Variants in STRBP observed in about 807,000 individuals in gnomAD.
The protein encoded by STRBP is spermatid perinuclear RNA binding protein, also known as spermatid perinuclear RNA-binding protein.
Under a neutral mutation model 80.1 loss-of-function variants are expected in STRBP, and 13 were observed. The observed-to-expected ratio is 0.16, with a 90% CI of 0.11 to 0.26. The LOEUF (loss-of-function observed/expected upper bound fraction) is 0.26, where lower values mean the gene tolerates loss of function less well. Ranked by LOEUF, STRBP falls within the 10% of genes least tolerant of loss-of-function variation. STRBP has a pLI of 1.00. For synonymous variants in STRBP, 284 were observed against 291.2 expected (o/e 0.98, Z 0.25); for missense variants, 485 against 815.2 (o/e 0.59, Z 4.93).
At chr9:123,254,418 G>A (rs1347309372) in intron 1 of STRBP, among the ~76,000 whole-genome samples, 1 of 137,462 alleles carries the variant, frequency 7.3e-6, no homozygotes, top group East Asian at 2.2e-4. Context: ...CCCAGATCGC[G>A]CCACTGCACT....
intron 5 of STRBP, among the ~76,000 whole-genome samples, chr9:123,172,564 A>G (rs1200513585): frequency 6.6e-6 from 1 of 152,216 alleles, no homozygotes; most frequent in Non-Finnish European, 1.5e-5. Context: ...CAAAATTGAA[A>G]GTGGAAAAGC....
At chr9:123,252,107 A>G (rs1287123600) in intron 1 of STRBP, among the ~76,000 whole-genome samples, 2 of 152,162 alleles carry the variant, frequency 1.3e-5, no homozygotes, top group Non-Finnish European at 1.5e-5. Context: ...GAAAAGTTGC[A>G]GGAAATGGTG....
chr9:123,116,656 G>A (rs2035650328), downstream of STRBP, among the ~76,000 whole-genome samples: 1 of 152,178 alleles, frequency 6.6e-6, no homozygotes, highest in East Asian at 1.9e-4. Context: ...GAAGCCTACA[G>A]GAAAGGTGAG....
At chr9:123,249,696 TA>T (rs2040872397) in intron 1 of STRBP, among the ~76,000 whole-genome samples, 1 of 152,176 alleles carries the variant, frequency 6.6e-6, no homozygotes, top group South Asian at 2.1e-4. Flanking sequence ...TAAAAAAATA[TA>T]AAGCAACCGA....
At chr9:123,255,657 T>C (rs1357126362) in intron 1 of STRBP, among the ~76,000 whole-genome samples, 1 of 152,204 alleles carries the variant, frequency 6.6e-6, no homozygotes, top group African/African-American at 2.4e-5. Flanking sequence ...CCAAATCAAT[T>C]ATCTAGATTC....
chr9:123,184,124 T>C lies in STRBP; in HGVS notation c.3+8A>G. The C allele has an allele frequency of 1.2e-6, 2 of 1,608,612 alleles. No individual in the cohort carries two copies. Among genetic ancestry groups the C allele is most frequent in the South Asian group, 2.2e-5 (2 of 90,298 alleles). ...AACTAAATTATGAAAATATCCACAA[T>C]AACCTACCATGGTTTTCTATAGTAT... On this transcript the variant is annotated splice_region_variant and intron_variant, in intron 3 of 18. Transcript: ENST00000348403.
At chr9:123,114,889 G>A (rs540154406) in intron 3 of STRBP, 2 of 302,898 alleles carry the variant, frequency 6.6e-6, no homozygotes, top group Non-Finnish European at 1.4e-5. Flanking sequence ...AGCCTGGCCT[G>A]TGAGGAGATG....
intron 2 of STRBP, among the ~76,000 whole-genome samples, chr9:123,212,102 T>C (rs1391525097): frequency 6.6e-6 from 1 of 152,204 alleles, no homozygotes; most frequent in Non-Finnish European, 1.5e-5. Context: ...TACGGATTTT[T>C]TTCAGTTATT....
At chr9:123,256,102 C>A (rs568063302) in intron 1 of STRBP, among the ~76,000 whole-genome samples, 3 of 139,800 alleles carry the variant, frequency 2.1e-5, no homozygotes, top group Non-Finnish European at 4.5e-5. Context: ...TAGCTCACTA[C>A]GGCTTTAACC....
At position 123,203,699 on chromosome 9, in the gene STRBP, C is replaced by T. The variant is rs141413173; in HGVS notation, c.-164-19401G>A. 9.6e-3 allele frequency among the ~76,000 whole-genome samples: 1,453 copies of T among 151,978 alleles called. 11 individuals carry two copies. The highest frequency in any genetic ancestry group is 0.017 in the Non-Finnish European group (1,122 of 67,936). ...GTAAAATAGCGACCTCGGCCAGGCG[C>T]GGTGGCTCACACCTGTAATCCCAGC... On this transcript the variant is annotated intron_variant, in intron 2 of 18. Coordinates refer to ENST00000348403, the MANE Select transcript of STRBP (RefSeq NM_018387.5).
intron 6 of STRBP, among the ~76,000 whole-genome samples, chr9:123,161,718 T>C (rs143397663): frequency 1.2e-3 from 184 of 152,332 alleles, no homozygotes; most frequent in East Asian, 0.01. Context: ...CATTTCAAGT[T>C]TTACATGCCT....
At chr9:123,114,730 C>G (rs1390141138) in intron 3 of STRBP, 2 of 189,802 alleles carry the variant, frequency 1.1e-5, no homozygotes, top group Non-Finnish European at 2.4e-5. Context: ...CCGTCCTGGT[C>G]AGAAACACCA....
chr9:123,244,790 T>C (rs10985911), intron 1 of STRBP, among the ~76,000 whole-genome samples: 9,226 of 152,254 alleles, frequency 0.061, 333 homozygotes, highest in Non-Finnish European at 0.068. Flanking sequence ...AACCCAGCAA[T>C]TGTACTCTTG....
At chr9:123,251,034 G>C (rs2040903751) in intron 1 of STRBP, among the ~76,000 whole-genome samples, 1 of 152,102 alleles carries the variant, frequency 6.6e-6, no homozygotes, top group Admixed American at 6.5e-5. Context: ...GGCTGAGGCA[G>C]GCAGACCACT....
At chr9:123,116,294 A>G (rs977734772) in intron 2 of STRBP, among the ~76,000 whole-genome samples, 1 of 152,158 alleles carries the variant, frequency 6.6e-6, no homozygotes, top group African/African-American at 2.4e-5. Flanking sequence ...GATGAGGCGG[A>G]ACATAAAACA....
rs528379587 is a variant in STRBP, at chr9:123,130,649, C to A, written c.1897+2196G>T. ...AAAGCTTTGCCCTTTCAATAATACACTGAATAAGGCTAAAATTATTAAATA... is the reference window on the plus strand; with the variant it reads ...AAAGCTTTGCCCTTTCAATAATACAATGAATAAGGCTAAAATTATTAAATA... On this transcript the variant is annotated intron_variant, in intron 17 of 18. Coordinates refer to ENST00000348403, the MANE Select transcript of STRBP (RefSeq NM_018387.5). Among the ~76,000 whole-genome samples, 16 of 152,304 alleles carry A rather than the reference C, an allele frequency of 1.1e-4. No individual in the cohort carries two copies. In the South Asian group the frequency reaches 3.1e-3, roughly 30 times the overall value.
chr9:123,211,518 A>G (rs575412614), intron 2 of STRBP, among the ~76,000 whole-genome samples: 2 of 152,284 alleles, frequency 1.3e-5, no homozygotes, highest in South Asian at 4.1e-4. Context: ...TGGATAAACA[A>G]GTGCTTATTG....
intron 2 of STRBP, among the ~76,000 whole-genome samples, chr9:123,209,557 T>C (rs570565627): frequency 1.3e-5 from 2 of 152,326 alleles, no homozygotes; most frequent in East Asian, 1.9e-4. Flanking sequence ...AAGTTCACCA[T>C]GTACACTTTC....
intron 3 of STRBP, chr9:123,114,681 G>A (rs2035617225): frequency 5.6e-6 from 1 of 180,170 alleles, no homozygotes; most frequent in African/African-American, 2.4e-5. Context: ...TACCTCCTCT[G>A]TACCCTGTCA....
Sources: gnomAD v4.1 joint callset for allele counts (sites outside exome capture counted in the v4.1 genomes callset) on GRCh38, gnomAD v4.1.1 for gene constraint, MANE v1.5 for transcripts, NCBI Gene and HGNC (gene_info 2026-07-23, HGNC 2026-07-21) for gene names.